The following HNRNPUL2 variants were observed in gnomAD, a reference collection of about 807,000 sequenced individuals.
HNRNPUL2 encodes the protein heterogeneous nuclear ribonucleoprotein U like 2, also known as heterogeneous nuclear ribonucleoprotein U-like protein 2.
HNRNPUL2 carries 27 observed loss-of-function variants against 102.2 expected under a neutral mutation model. That is an observed-to-expected ratio of 0.26 (90% CI 0.19 to 0.36). The LOEUF (loss-of-function observed/expected upper bound fraction) is 0.36, where lower values mean the gene tolerates loss of function less well. Among genes scored for constraint, HNRNPUL2 ranks in the 10% least tolerant of loss-of-function variants. HNRNPUL2 has a pLI of 1.00. For missense variants in HNRNPUL2, 936 were observed against 981.1 expected, an observed-to-expected ratio of 0.95 and a Z score of 0.61; for synonymous variants, 458 against 387.2, an observed-to-expected ratio of 1.18 and a Z score of -2.15.
Position 62,716,056 on chromosome 11 carries a change from G to A in HNRNPUL2, c.1982-119C>T, listed in dbSNP as rs778423083. The A allele has an allele frequency of 8.5e-5, 59 of 696,078 alleles. No homozygotes were observed. The Middle Eastern group carries it at 1.9e-3, about 22-fold the overall frequency. 43.1% of individuals were successfully genotyped at this position (696,078 alleles called of 1,614,324 possible). ...TCTGGGGGAATATGAGGCCTGCTTC[G>A]GCCAGGCTCACACATGTTAATTAAA... On this transcript the variant is annotated intron_variant, in intron 11 of 13. Transcript: ENST00000301785.
chr11:62,722,447 T>G, intron 6 of HNRNPUL2, 67 bp from the exon 7 acceptor site: 1 of 1,551,076 alleles, frequency 6.4e-7, no homozygotes, highest in African/African-American at 1.4e-5. Flanking sequence ...ACTTTACAAT[T>G]TATTCTTTTT....
In HNRNPUL2 at chr11:62,722,898, G is replaced by A. The variant is rs765664057; in HGVS notation, c.897C>T (p.Thr299=). 7 of 1,613,762 alleles carry A rather than the reference G, an allele frequency of 4.3e-6. No homozygotes were observed. Among genetic ancestry groups the A allele is most frequent in the African/African-American group, 1.3e-5 (1 of 74,898 alleles). ...AGCCTTCTTTCATTGGGAGATTCTG[G>A]GTTACCTGGCCAAGTCAGAAAGGGA... ...KGKVCFEAKV[T]QNLPMKEGCT... Residue 299 remains threonine, a synonymous_variant, in exon 5 of 14, where the codon ACC becomes ACT. Coordinates refer to ENST00000301785, the MANE Select transcript of HNRNPUL2 (RefSeq NM_001079559.3).
intron 1 of HNRNPUL2, among the ~76,000 whole-genome samples, chr11:62,724,807 A>T (rs2083731640): frequency 6.6e-6 from 1 of 152,236 alleles, no homozygotes; most frequent in Admixed American, 6.5e-5. Context: ...TCAGATCTAG[A>T]TTTAAGGTAG....
In HNRNPUL2 at chr11:62,717,209, G is replaced by A. The variant is rs1421891123; in HGVS notation, c.1781-20C>T. The A allele has an allele frequency of 6.3e-7, 1 of 1,599,532 alleles. No homozygotes were observed. Among genetic ancestry groups the A allele is most frequent in the Admixed American group, 1.7e-5 (1 of 59,510 alleles). On this transcript the variant is annotated intron_variant, in intron 10 of 13. Coordinates refer to ENST00000301785, the MANE Select transcript of HNRNPUL2 (RefSeq NM_001079559.3). ...AGTTGGCTATAAGAGTAAGAGAGAA[G>A]CTTGTGGGCCTGAAAAGTGCATAGA...
intron 11 of HNRNPUL2, among the ~76,000 whole-genome samples, chr11:62,716,623 G>A (rs948605409): frequency 7.2e-5 from 11 of 152,158 alleles, no homozygotes; most frequent in African/African-American, 2.4e-4. Context: ...AACTGAAGAT[G>A]AGAATTTGAT....
chr11:62,713,415 C>T lies in HNRNPUL2; in HGVS notation c.*1884G>A, dbSNP rs2083633965. 1 of 152,194 alleles carries T rather than the reference C, an allele frequency of 6.6e-6. No individual in the cohort carries two copies. The highest frequency in any genetic ancestry group is 2.4e-5 in the African/African-American group (1 of 41,430). 9.4% of individuals were successfully genotyped at this position (152,194 alleles called of 1,614,324 possible). ...TTCTCAAACTCCCTTAATAATAATACAAAGTTAATGTGTTACAGAAAAATT... is the reference window on the plus strand; with the variant it reads ...TTCTCAAACTCCCTTAATAATAATATAAAGTTAATGTGTTACAGAAAAATT... On this transcript the variant is annotated 3_prime_UTR_variant, in exon 14 of 14. Transcript: ENST00000301785.
intron 10 of HNRNPUL2, among the ~76,000 whole-genome samples, chr11:62,718,625 G>A (rs577753266): frequency 1.3e-4 from 20 of 149,322 alleles, no homozygotes; most frequent in East Asian, 2.0e-4. Context: ...CCCGGGAGGC[G>A]GAGGTTGCAG....
Position 62,727,009 on chromosome 11 carries a change from C to G in HNRNPUL2, c.148G>C (p.Gly50Arg). ...TTGCAGGCCCCGCCGGGCCCGGCCCCGCCGCCGCCGGCCTCGTCCTCGAGC... is the reference window on the plus strand; with the variant it reads ...TTGCAGGCCCCGCCGGGCCCGGCCCGGCCGCCGCCGGCCTCGTCCTCGAGC... ...EMLEDEAGGG[G>R]AGPGGACKAE... Residue 50 changes from glycine to arginine, a missense_variant, in exon 1 of 14, where the codon GGG becomes CGG. Physicochemically the swap from Gly to Arg is moderately radical, Grantham distance 125. Coordinates refer to ENST00000301785, the MANE Select transcript of HNRNPUL2 (RefSeq NM_001079559.3). 1 of 1,360,878 alleles carries G rather than the reference C, an allele frequency of 7.3e-7. No homozygotes were observed. Among genetic ancestry groups the G allele is most frequent in the Non-Finnish European group, 9.4e-7 (1 of 1,058,446 alleles). The allele number at this position is 1,360,878 out of a possible 1,614,324, so 84.3% of individuals were successfully genotyped here.
intron 13 of HNRNPUL2, 42 bp from the exon 14 acceptor site, chr11:62,715,421 C>G: frequency 6.3e-7 from 1 of 1,599,084 alleles, no homozygotes; most frequent in Non-Finnish European, 8.6e-7. Context: ...CCAGAGCTGG[C>G]TGAGGATGAA....
chr11:62,714,987 G>T lies in HNRNPUL2; in HGVS notation c.*312C>A. 1 of 285,546 alleles carries T rather than the reference G, an allele frequency of 3.5e-6. No individual in the cohort carries two copies. The allele number at this position is 285,546 out of a possible 1,614,324, so 17.7% of individuals were successfully genotyped here. The stretch of plus-strand genomic sequence containing the variant: ...TTTTCCTGTCTGACTGTAGGGTATA[G>T]AACAGGCAGCCCTAAGTGCTGCTTT... On this transcript the variant is annotated 3_prime_UTR_variant, in exon 14 of 14. Transcript: ENST00000301785.
At position 62,722,825 on chromosome 11, in the gene HNRNPUL2, G is replaced by A. The variant is rs377641267; in HGVS notation, c.970C>T (p.Arg324Cys). ...GAAATAACTTTACCAAGCTGTGGAC[G>A]GGAAAAATCAACAGACCACCCAACT... ...LRVGWSVDFS[R>C]PQLGEDEFSY... The change falls in exon 5 of 14, where the codon CGT becomes TGT. Residue 324 changes from arginine (R) to cysteine (C), a missense_variant. Arg to Cys is a radical substitution (Grantham distance 180, BLOSUM62 -3). Around this residue, in one of 2 missense-constraint regions of HNRNPUL2, gnomAD observed 609 missense variants for 713.0 expected, o/e 0.85. Coordinates refer to ENST00000301785, the MANE Select transcript of HNRNPUL2 (RefSeq NM_001079559.3). The A allele has an allele frequency of 2.0e-5, 33 of 1,613,832 alleles. No homozygotes were observed. The highest frequency in any genetic ancestry group is 1.6e-4 in the Middle Eastern group (1 of 6,082).
Position 62,722,207 on chromosome 11 carries a change from T to C in HNRNPUL2, c.1269A>G (p.Pro423=), listed in dbSNP as rs1379218312. ...NFGQKEEPFF[P]PPEEFVFIHA... ...GAATGAACACAAACTCTTCTGGTGG[T>C]GGGAAGAAGGGCTCCTCCTTCTGAC... Residue 423 remains proline, a synonymous_variant, in exon 7 of 14, where the codon CCA becomes CCG. Coordinates refer to ENST00000301785, the MANE Select transcript of HNRNPUL2 (RefSeq NM_001079559.3). The C allele has an allele frequency of 1.9e-6, 3 of 1,614,062 alleles. No homozygotes were observed. The Admixed American group carries it at 5.0e-5, about 27-fold the overall frequency.
Position 62,722,623 on chromosome 11 carries a change from T to C in HNRNPUL2, c.1073A>G (p.Asn358Ser). Residue 358 changes from asparagine (N) to serine (S), a missense_variant, in exon 6 of 14, where the codon AAT becomes AGT. This residue lies in a region of HNRNPUL2 where 609 missense variants were observed against 713.0 expected (regional missense o/e 0.85). Coordinates refer to ENST00000301785, the MANE Select transcript of HNRNPUL2 (RefSeq NM_001079559.3). ...TACAGCAAAGCAGCCAATAACATCA[T>C]TCTCCCCAAAAGTCTGGCCAAATTC... is the stretch of plus-strand genomic sequence containing the variant. ...FEEFGQTFGE[N>S]DVIGCFANFE... is the part of the protein sequence containing the mutation. 1.2e-6 allele frequency: 2 copies of C among 1,613,912 alleles called. No individual in the cohort carries two copies. Among genetic ancestry groups the C allele is most frequent in the East Asian group, 2.2e-5 (1 of 44,886 alleles).
Position 62,726,912 on chromosome 11 carries a change from T to A in HNRNPUL2, c.245A>T (p.Glu82Val). The A allele has an allele frequency of 6.5e-7, 1 of 1,539,596 alleles. No homozygotes were observed. Among genetic ancestry groups the A allele is most frequent in the Non-Finnish European group, 8.7e-7 (1 of 1,153,152 alleles). The change falls in exon 1 of 14, where the codon GAG (glutamate) becomes GTG (valine). Residue 82 changes from glutamate to valine, a missense_variant. Around this residue, in one of 2 missense-constraint regions of HNRNPUL2, gnomAD observed 327 missense variants for 268.1 expected, o/e 1.22. Coordinates refer to ENST00000301785, the MANE Select transcript of HNRNPUL2 (RefSeq NM_001079559.3). Reference sequence around the variant, plus strand: ...AAGCAGCGCCTCCTCGTCCTCCTCCTCCTCCTCTTCGTCCTCCTCCTCGTC... The same window carrying A: ...AAGCAGCGCCTCCTCGTCCTCCTCCACCTCCTCTTCGTCCTCCTCCTCGTC... ...GGDEEEDEEE[E>V]EEDEEALLED...
chr11:62,727,182 C>CGCCGCCTCCT lies in HNRNPUL2; in HGVS notation c.-36_-27dup, dbSNP rs2083761832. On this transcript the variant is annotated 5_prime_UTR_variant, in exon 1 of 14. Transcript: ENST00000301785. ...CGCCGCCGCCGCCTCCTCCGCCTCCCGCCGCCTCCTCCCCTGCGAACCGTC... is the reference window on the plus strand; with the variant it reads ...CGCCGCCGCCGCCTCCTCCGCCTCCCGCCGCCTCCTGCCGCCTCCTCCCCTGCGAACCGTC... 7.1e-7 allele frequency: 1 copy of CGCCGCCTCCT among 1,410,272 alleles called. No homozygotes were observed. Among genetic ancestry groups the CGCCGCCTCCT allele is most frequent in the Non-Finnish European group, 9.2e-7 (1 of 1,082,286 alleles). The allele number at this position is 1,410,272 out of a possible 1,614,324, so 87.4% of individuals were successfully genotyped here. A position where few individuals can be genotyped will look rare whatever the true frequency, so the allele number is the denominator to read the frequency against.
Position 62,727,100 on chromosome 11 carries a change from G to A in HNRNPUL2, c.57C>T (p.Gly19=). 12 of 1,447,804 alleles carry A rather than the reference G, an allele frequency of 8.3e-6. No individual in the cohort carries two copies. Among genetic ancestry groups the A allele is most frequent in the Middle Eastern group, 2.2e-4 (1 of 4,604 alleles). The allele number at this position is 1,447,804 out of a possible 1,614,324, so 89.7% of individuals were successfully genotyped here. The change falls in exon 1 of 14, where the codon GGC becomes GGT. Residue 19 remains glycine (G), a synonymous_variant. Coordinates refer to ENST00000301785, the MANE Select transcript of HNRNPUL2 (RefSeq NM_001079559.3). ...CCACCTTGAGGCCGCGCGAGTCCAGGCCCCGCCGCTGCAGCTCCGACCGCA... is the reference window on the plus strand; with the variant it reads ...CCACCTTGAGGCCGCGCGAGTCCAGACCCCGCCGCTGCAGCTCCGACCGCA... ...TELRSELQRR[G]LDSRGLKVDL...
At position 62,726,869 on chromosome 11, in the gene HNRNPUL2, C is replaced by G. The variant is rs755662105; in HGVS notation, c.288G>C (p.Glu96Asp). 1 of 1,581,630 alleles carries G rather than the reference C, an allele frequency of 6.3e-7. No homozygotes were observed. Among genetic ancestry groups the G allele is most frequent in the African/African-American group, 1.4e-5 (1 of 72,970 alleles). ...GACCCAAGGCTTGAGCAGGGGGTGG[C>G]TCCTCGTCCTCGTCCTCAAGCAGCG... ...EEALLEDEDE[E>D]PPPAQALGQA... is the part of the protein sequence containing the mutation. The change falls in exon 1 of 14, where the codon GAG becomes GAC. Residue 96 changes from glutamate (E) to aspartate (D), a missense_variant. Physicochemically the swap from Glu to Asp is conservative, Grantham distance 45. Around this residue, in one of 2 missense-constraint regions of HNRNPUL2, gnomAD observed 327 missense variants for 268.1 expected, o/e 1.22. Transcript: ENST00000301785.
At chr11:62,715,639 T>C in intron 12 of HNRNPUL2, 32 bp from the exon 13 acceptor site, 1 of 1,542,524 alleles carries the variant, frequency 6.5e-7, no homozygotes, top group Non-Finnish European at 9.0e-7. Flanking sequence ...GAGTGAAGGT[T>C]TATGGGTTTT....
intron 9 of HNRNPUL2, among the ~76,000 whole-genome samples, chr11:62,720,916 G>A (rs912807444): frequency 4.8e-5 from 7 of 145,040 alleles, no homozygotes; most frequent in Admixed American, 1.4e-4. Context: ...ACTTAGACAC[G>A]AGATAAAGGG....
Sources: gnomAD v4.1 joint callset for allele counts (sites outside exome capture counted in the v4.1 genomes callset) on GRCh38, gnomAD v4.1.1 for gene constraint, gnomAD v4.1.1 regional missense constraint, MANE v1.5 for transcripts, NCBI Gene and HGNC (gene_info 2026-07-23, HGNC 2026-07-21) for gene names.